Variants in NSUN3 observed in about 807,000 individuals in gnomAD.
NSUN3 encodes NOP2/Sun RNA methyltransferase 3, also known as tRNA (cytosine(34)-C(5))-methyltransferase, mitochondrial.
In NSUN3, 24 loss-of-function variants were observed where a neutral mutation model predicts 36.8. That is an observed-to-expected ratio of 0.65 (90% CI 0.47 to 0.92). NSUN3 has a LOEUF of 0.92. NSUN3 is among the 40% of genes least tolerant of loss of function. NSUN3 has a pLI of 0.00. For missense variants in NSUN3, 381 were observed against 392.8 expected (o/e 0.97, Z 0.25); for synonymous variants, 146 against 145.2 (o/e 1.01, Z -0.04).
chr3:94,108,172 C>G (rs2077398906), intron 5 of NSUN3, among the ~76,000 whole-genome samples: 1 of 151,854 alleles, frequency 6.6e-6, no homozygotes, highest in Admixed American at 6.6e-5. Flanking sequence ...TATAGAGATT[C>G]ATCAACTGTT....
intron 5 of NSUN3, among the ~76,000 whole-genome samples, chr3:94,098,774 C>T (rs1377852447): frequency 6.6e-6 from 1 of 152,118 alleles, no homozygotes; most frequent in Non-Finnish European, 1.5e-5. Flanking sequence ...TCCTGGCAAA[C>T]TCTACTGATT....
intron 5 of NSUN3, among the ~76,000 whole-genome samples, chr3:94,113,285 C>G (rs1012653350): frequency 6.6e-6 from 1 of 152,140 alleles, no homozygotes; most frequent in Non-Finnish European, 1.5e-5. Flanking sequence ...AAAGTATGAG[C>G]TATAGAACTA....
chr3:94,105,686 C>G (rs898175554), intron 5 of NSUN3, among the ~76,000 whole-genome samples: 1 of 151,868 alleles, frequency 6.6e-6, no homozygotes. Context: ...GGCAGGGTAT[C>G]TTTTTTCCGG....
rs957321130 is a variant in NSUN3, at chr3:94,126,507, G to A, written c.*17G>A. 7 of 1,587,680 alleles carry A rather than the reference G, an allele frequency of 4.4e-6. No individual in the cohort carries two copies. In the African/African-American group the frequency reaches 9.5e-5, roughly 22 times the overall value. ...AAATGGTGACATGAATTTGTAAACT[G>A]TGTTTATGTGTTATTATATTTATAT... On this transcript the variant is annotated 3_prime_UTR_variant, in exon 6 of 6. Transcript: ENST00000314622.
intron 5 of NSUN3, among the ~76,000 whole-genome samples, chr3:94,106,217 G>T (rs1328806069): frequency 6.6e-6 from 1 of 151,952 alleles, no homozygotes; most frequent in Non-Finnish European, 1.5e-5. Context: ...AAGAAATATT[G>T]AATATAAATA....
intron 2 of NSUN3, among the ~76,000 whole-genome samples, chr3:94,069,417 C>T (rs575695261): frequency 6.6e-6 from 1 of 152,104 alleles, no homozygotes; most frequent in Non-Finnish European, 1.5e-5. Context: ...TGAATGAGCA[C>T]CCTCTAGTGG....
In NSUN3 at chr3:94,084,387, G is replaced by A. The variant is rs780699805; in HGVS notation, c.403G>A (p.Val135Ile). The change falls in exon 3 of 6, where the codon GTT becomes ATT. Residue 135 changes from valine to isoleucine, a missense_variant. Val to Ile is a conservative substitution (Grantham distance 29, BLOSUM62 3). Coordinates refer to ENST00000314622, the MANE Select transcript of NSUN3 (RefSeq NM_022072.5). ...LALELRDGEK[V>I]LDLCAAPGGK... is the part of the protein sequence containing the mutation. The stretch of plus-strand genomic sequence containing the variant: ...TCTGGAATTAAGGGATGGGGAGAAG[G>A]TTCTGGATCTCTGTGCTGCTCCTGG... 4 of 1,614,182 alleles carry A rather than the reference G, an allele frequency of 2.5e-6. No homozygotes were observed. Among genetic ancestry groups the A allele is most frequent in the Non-Finnish European group, 1.7e-6 (2 of 1,179,998 alleles).
intron 5 of NSUN3, among the ~76,000 whole-genome samples, chr3:94,121,034 C>T (rs761901370): frequency 3.9e-5 from 6 of 152,170 alleles, no homozygotes; most frequent in Non-Finnish European, 7.3e-5. Context: ...AAAACGCCAT[C>T]ATTAGATGTG....
In NSUN3 at chr3:94,128,906, A is replaced by G. The variant is rs553694019; in HGVS notation, c.*2416A>G. ...ATATGAAAAAGTGCTCTTCATCACT[A>G]ATCATCAGAGAAATGCAAATCAAAA... On this transcript the variant is annotated 3_prime_UTR_variant, in exon 6 of 6. Transcript: ENST00000314622. 3.5e-4 allele frequency among the ~76,000 whole-genome samples: 54 copies of G among 152,288 alleles called. No homozygotes were observed. The highest frequency in any genetic ancestry group is 6.6e-4 in the Non-Finnish European group (45 of 68,010).
At chr3:94,066,847 T>C (rs1242757624) in intron 2 of NSUN3, among the ~76,000 whole-genome samples, 1 of 152,210 alleles carries the variant, frequency 6.6e-6, no homozygotes, top group African/African-American at 2.4e-5. Flanking sequence ...CAATTAAGTG[T>C]ATCACCATCA....
At chr3:94,078,296 T>C (rs979229925) in intron 2 of NSUN3, among the ~76,000 whole-genome samples, 3 of 152,246 alleles carry the variant, frequency 2.0e-5, no homozygotes, top group Non-Finnish European at 4.4e-5. Flanking sequence ...TTCACTGTGT[T>C]CTGAGAGACT....
intron 5 of NSUN3, among the ~76,000 whole-genome samples, chr3:94,095,774 T>G (rs2107256398): frequency 6.6e-6 from 1 of 152,250 alleles, no homozygotes; most frequent in Admixed American, 6.5e-5. Context: ...TGAGACAGAG[T>G]CTCACTCTGT....
rs757708752 is a variant in NSUN3 at position 94,130,382 on chromosome 3, A to G, written c.*3892A>G. On this transcript the variant is annotated 3_prime_UTR_variant, in exon 6 of 6. Coordinates refer to ENST00000314622, the MANE Select transcript of NSUN3 (RefSeq NM_022072.5). ...ACAAAATAATGAGAATACTTTTACC[A>G]AAGATAATGAAATCTTGCATAATGT... Among the ~76,000 whole-genome samples the G allele has an allele frequency of 9.9e-5, 15 of 152,210 alleles. No individual in the cohort carries two copies. Among genetic ancestry groups the G allele is most frequent in the Non-Finnish European group, 1.2e-4 (8 of 68,040 alleles).
intron 2 of NSUN3, chr3:94,076,453 C>G (rs1184876573): frequency 1.4e-5 from 11 of 789,266 alleles, no homozygotes; most frequent in Non-Finnish European, 2.3e-5. Flanking sequence ...CTGACCCAAA[C>G]AGAGACTTAT....
At chr3:94,072,996 C>T (rs1261292948) in intron 2 of NSUN3, among the ~76,000 whole-genome samples, 2 of 152,072 alleles carry the variant, frequency 1.3e-5, no homozygotes, top group Non-Finnish European at 2.9e-5. Context: ...ATGTTCCCCT[C>T]CCTGTGTCCA....
At chr3:94,068,785 TACACACAC>T (rs10582127) in intron 2 of NSUN3, among the ~76,000 whole-genome samples, 6 of 145,932 alleles carry the variant, frequency 4.1e-5, no homozygotes, top group Admixed American at 1.4e-4. Flanking sequence ...GAAAAAAAAA[TACACACAC>T]ACACACACAC....
intron 3 of NSUN3, among the ~76,000 whole-genome samples, chr3:94,090,742 G>A (rs2107252220): frequency 1.3e-5 from 2 of 152,218 alleles, no homozygotes; most frequent in Admixed American, 1.3e-4. Flanking sequence ...AGAGACAGTG[G>A]GAACCTTGAA....
chr3:94,066,553 T>C (rs912019298), intron 2 of NSUN3, among the ~76,000 whole-genome samples: 1 of 152,206 alleles, frequency 6.6e-6, no homozygotes, highest in African/African-American at 2.4e-5. Flanking sequence ...TGCTCTTTTT[T>C]AGTAACCTTT....
At chr3:94,068,068 A>G (rs2077212164) in intron 2 of NSUN3, among the ~76,000 whole-genome samples, 2 of 152,130 alleles carry the variant, frequency 1.3e-5, no homozygotes, top group African/African-American at 2.4e-5. Flanking sequence ...TGTGGGTTCA[A>G]ATCCCACCTC....
Sources: allele counts gnomAD v4.1 joint callset (sites outside exome capture counted in the v4.1 genomes callset), GRCh38; gene constraint gnomAD v4.1.1; transcripts MANE v1.5; gene names NCBI Gene and HGNC (gene_info 2026-07-23, HGNC 2026-07-21).